Variants in TADA2A observed in about 807,000 individuals in gnomAD.
The protein encoded by TADA2A is transcriptional adapter 2-alpha.
TADA2A carries 38 observed loss-of-function variants against 67.4 expected under a neutral mutation model. That is an observed-to-expected ratio of 0.56 (90% CI 0.44 to 0.74). The LOEUF (loss-of-function observed/expected upper bound fraction) is 0.74, where lower values mean the gene tolerates loss of function less well. Among genes scored for constraint, TADA2A ranks in the 30% least tolerant of loss-of-function variants. TADA2A has a pLI of 0.00. For missense variants in TADA2A, 454 were observed against 547.0 expected, an observed-to-expected ratio of 0.83 and a Z score of 1.70; for synonymous variants, 192 against 181.6, an observed-to-expected ratio of 1.06 and a Z score of -0.46.
At chr17:37,411,040 A>G (rs1031388867) in intron 1 of TADA2A, among the ~76,000 whole-genome samples, 6 of 152,224 alleles carry the variant, frequency 3.9e-5, no homozygotes, top group Non-Finnish European at 7.3e-5. Flanking sequence ...ACCATGCTAC[A>G]TTACTTATAT....
intron 8 of TADA2A, among the ~76,000 whole-genome samples, chr17:37,451,040 T>TA (rs541950528): frequency 3.6e-4 from 54 of 152,092 alleles, no homozygotes; most frequent in African/African-American, 1.1e-3. Context: ...CTTTTTTTTT[T>TA]AAAAGAAACA....
At chr17:37,448,931 C>A (rs1475946121) in intron 8 of TADA2A, among the ~76,000 whole-genome samples, 1 of 152,078 alleles carries the variant, frequency 6.6e-6, no homozygotes, top group Non-Finnish European at 1.5e-5. Context: ...GCCTTTAAAT[C>A]CTTTAACAAT....
chr17:37,413,325 A>G (rs984631403), intron 2 of TADA2A, among the ~76,000 whole-genome samples: 1 of 152,016 alleles, frequency 6.6e-6, no homozygotes, highest in African/African-American at 2.4e-5. Flanking sequence ...ATCTAGTTCA[A>G]CTCTTTCATT....
Position 37,444,746 on chromosome 17 carries a change from A to G in TADA2A, c.582A>G (p.Glu194=), listed in dbSNP as rs1294151862. 3 of 1,614,020 alleles carry G rather than the reference A, an allele frequency of 1.9e-6. No individual in the cohort carries two copies. In the East Asian group the frequency reaches 6.7e-5, roughly 36 times the overall value. Residue 194 remains glutamate, a synonymous_variant, in exon 8 of 16, where the codon GAA becomes GAG. Coordinates refer to ENST00000615182, the MANE Select transcript of TADA2A (RefSeq NM_001166105.3). ...ACTTGAGAGACATTGATTTTGTTGA[A>G]GATGACTCGGACATTTTACATGGTA... ...EWDLRDIDFV[E]DDSDILHALK... is the part of the protein sequence containing the mutation.
At chr17:37,413,203 A>C (rs1000357433) in intron 2 of TADA2A, among the ~76,000 whole-genome samples, 7 of 152,204 alleles carry the variant, frequency 4.6e-5, no homozygotes, top group African/African-American at 1.7e-4. Flanking sequence ...CTGGGATTAC[A>C]AGCGTGAGCC....
chr17:37,423,221 A>G (rs2052298978), intron 2 of TADA2A, among the ~76,000 whole-genome samples: 1 of 152,172 alleles, frequency 6.6e-6, no homozygotes, highest in African/African-American at 2.4e-5. Flanking sequence ...GCAGAGCAAG[A>G]CCCTGTCTCT....
intron 14 of TADA2A, 91 bp downstream of exon 14, chr17:37,471,228 G>T: frequency 2.2e-6 from 3 of 1,341,546 alleles, no homozygotes; most frequent in Non-Finnish European, 3.2e-6. Context: ...CCTCTGTGGT[G>T]TCAGGGTGCT....
chr17:37,452,271 C>T (rs1008205565), intron 8 of TADA2A, among the ~76,000 whole-genome samples: 2 of 150,748 alleles, frequency 1.3e-5, no homozygotes, highest in East Asian at 2.0e-4. Flanking sequence ...GGTATGGTGG[C>T]GTGCACCTGT....
At chr17:37,475,309 C>A (rs1272808659) in intron 15 of TADA2A, among the ~76,000 whole-genome samples, 5 of 151,628 alleles carry the variant, frequency 3.3e-5, no homozygotes, top group Non-Finnish European at 7.4e-5. Flanking sequence ...GTAGCTGGGA[C>A]TGGACTATAG....
chr17:37,437,676 C>T (rs924466861), intron 4 of TADA2A, 62 bp from the exon 5 acceptor site: 58 of 1,485,404 alleles, frequency 3.9e-5, no homozygotes, highest in African/African-American at 5.6e-5. Flanking sequence ...CGTGAGCCAC[C>T]GTGCCTGGCC....
intron 2 of TADA2A, among the ~76,000 whole-genome samples, chr17:37,417,724 G>C (rs2052096251): frequency 6.6e-6 from 1 of 151,964 alleles, no homozygotes; most frequent in African/African-American, 2.4e-5. Flanking sequence ...TATTGGAGGT[G>C]GGGTTTCGCC....
chr17:37,449,451 A>T (rs1251058488), intron 8 of TADA2A, among the ~76,000 whole-genome samples: 2 of 152,150 alleles, frequency 1.3e-5, no homozygotes, highest in East Asian at 3.9e-4. Context: ...TAATCCTCAA[A>T]ACCTTATGAG....
intron 2 of TADA2A, among the ~76,000 whole-genome samples, chr17:37,415,301 G>A (rs560570093): frequency 4.4e-4 from 67 of 152,212 alleles, no homozygotes; most frequent in South Asian, 3.3e-3. Flanking sequence ...GTATCTCCTG[G>A]AAATACTGTA....
intron 1 of TADA2A, among the ~76,000 whole-genome samples, chr17:37,409,719 A>G (rs2051799467): frequency 6.6e-6 from 1 of 151,488 alleles, no homozygotes; most frequent in African/African-American, 2.4e-5. Flanking sequence ...GTGAGCTGAG[A>G]TCGTGCCATT....
chr17:37,470,228 G>C (rs920851571), intron 12 of TADA2A, among the ~76,000 whole-genome samples, 172 bp from the exon 13 acceptor site: 2 of 152,120 alleles, frequency 1.3e-5, no homozygotes, highest in African/African-American at 4.8e-5. Flanking sequence ...TTAAGAAAAG[G>C]ATTTCAGACT....
intron 11 of TADA2A, among the ~76,000 whole-genome samples, chr17:37,466,990 C>T (rs2053677719): frequency 6.6e-6 from 1 of 152,072 alleles, no homozygotes. Context: ...AACCCCATCT[C>T]TACTAAAAAT....
intron 6 of TADA2A, among the ~76,000 whole-genome samples, chr17:37,441,668 CT>C (rs34359729): frequency 0.4 from 54,188 of 136,778 alleles, 10,414 homozygotes; most frequent in East Asian, 0.76. Context: ...GTAATACCTC[CT>C]TTTTTTTTTT....
At chr17:37,442,780 C>T (rs1227269349) in intron 7 of TADA2A, 128 bp downstream of exon 7, 1 of 745,202 alleles carries the variant, frequency 1.3e-6, no homozygotes, top group African/African-American at 1.8e-5. Context: ...TTTGTAGGAC[C>T]TTTAGGCAGC....
rs374099682 is a variant in TADA2A, at chr17:37,426,993, A to G, written c.176A>G (p.His59Arg). ...GFEYKKHQSD[H>R]TYEIMTSDFP... ...GAGTACAAGAAACATCAAAGCGATCATACTTATGAAATAATGGTAATGATG... is the reference window on the plus strand; with the variant it reads ...GAGTACAAGAAACATCAAAGCGATCGTACTTATGAAATAATGGTAATGATG... The change falls in exon 4 of 16, where the codon CAT becomes CGT. Residue 59 changes from histidine (H) to arginine (R), a missense_variant. Physicochemically the swap from His to Arg is conservative, Grantham distance 29 (BLOSUM62 0). Around this residue, in one of 2 missense-constraint regions of TADA2A, gnomAD observed 403 missense variants for 455.5 expected, o/e 0.88. Transcript: ENST00000615182. 3 of 1,588,848 alleles carry G rather than the reference A, an allele frequency of 1.9e-6. No individual in the cohort carries two copies. In the African/African-American group the frequency reaches 4.1e-5, roughly 21 times the overall value.
Sources: allele counts gnomAD v4.1 joint callset (sites outside exome capture counted in the v4.1 genomes callset), GRCh38; gene constraint gnomAD v4.1.1; regional missense constraint gnomAD v4.1.1; transcripts MANE v1.5; gene names NCBI Gene and HGNC (gene_info 2026-07-23, HGNC 2026-07-21).